The following EYA4 variants were observed in gnomAD, a reference collection of about 807,000 sequenced individuals.
EYA4 encodes protein phosphatase EYA4.
In EYA4, 31 loss-of-function variants were observed where a neutral mutation model predicts 87.9. The observed-to-expected ratio is 0.35, with a 90% CI of 0.27 to 0.48. The LOEUF (loss-of-function observed/expected upper bound fraction) is 0.48. Ranked by LOEUF, EYA4 falls within the 20% of genes least tolerant of loss-of-function variation. The probability of loss-of-function intolerance (pLI) is 0.99; values close to 1 mark genes in which losing one functional copy is unlikely to be tolerated. For synonymous variants in EYA4, 263 were observed against 270.6 expected (o/e 0.97, Z 0.28); for missense variants, 678 against 761.4 (o/e 0.89, Z 1.29).
At position 133,531,281 on chromosome 6, in the gene EYA4, GC is replaced by G. The variant is rs886061095; in HGVS notation, c.*2479del. 3.7e-6 allele frequency: 5 copies of G among 1,351,790 alleles called. No individual in the cohort carries two copies. Among genetic ancestry groups the G allele is most frequent in the South Asian group, 1.2e-5 (1 of 80,126 alleles). 83.7% of individuals were successfully genotyped at this position (1,351,790 alleles called of 1,614,324 possible). On this transcript the variant is annotated 3_prime_UTR_variant, in exon 20 of 20. Transcript: ENST00000355286. ...CTTGTCTGGCACAACAATGGTGCAGGCCCACGAGCCAGCATCACAGCTTGGC... is the reference window on the plus strand; with the variant it reads ...CTTGTCTGGCACAACAATGGTGCAGGCCACGAGCCAGCATCACAGCTTGGC...
At chr6:133,401,505 A>G (rs566555492) in intron 3 of EYA4, among the ~76,000 whole-genome samples, 1 of 152,328 alleles carries the variant, frequency 6.6e-6, no homozygotes, top group African/African-American at 2.4e-5. Context: ...CGTACCCTCA[A>G]AATGTGTCCT....
chr6:133,517,545 AAGTT>A (rs1310169824), intron 17 of EYA4, among the ~76,000 whole-genome samples: 2 of 152,150 alleles, frequency 1.3e-5, no homozygotes, highest in African/African-American at 4.8e-5. Flanking sequence ...AAAAAAAAAA[AAGTT>A]AATATTAAGA....
chr6:133,350,321 A>C (rs1413266790), intron 2 of EYA4, among the ~76,000 whole-genome samples: 1 of 152,122 alleles, frequency 6.6e-6, no homozygotes, highest in Non-Finnish European at 1.5e-5. Flanking sequence ...GTTCAAATTA[A>C]CTCGTGAAAA....
rs527368127 is a variant in EYA4 at position 133,405,471 on chromosome 6, G to A, written c.83+23030G>A. 2.0e-5 allele frequency among the ~76,000 whole-genome samples: 3 copies of A among 152,254 alleles called. No homozygotes were observed. The East Asian group carries it at 5.8e-4, about 29-fold the overall frequency. On this transcript the variant is annotated intron_variant, in intron 3 of 19. Transcript: ENST00000355286. ...TTTATTCTTGCATTGTCGTGATGAT[G>A]TGACTGATTTCCACAGATCTCATAA...
chr6:133,512,668 A>C (rs1799259106), intron 14 of EYA4, 53 bp from the exon 15 acceptor site: 3 of 1,391,228 alleles, frequency 2.2e-6, no homozygotes, highest in Non-Finnish European at 3.1e-6. Flanking sequence ...ACCTTCAAGC[A>C]TGGTAACAAG....
chr6:133,251,382 AG>A (rs1562206814), intron 1 of EYA4, among the ~76,000 whole-genome samples: 1 of 152,202 alleles, frequency 6.6e-6, no homozygotes, highest in African/African-American at 2.4e-5. Context: ...TTACCTTTAG[AG>A]AGACAGTAGG....
chr6:133,382,259 C>T (rs755954653), intron 2 of EYA4, 133 bp from the exon 3 acceptor site: 1 of 756,000 alleles, frequency 1.3e-6, no homozygotes, highest in Non-Finnish European at 2.4e-6. Flanking sequence ...GTACTGTATG[C>T]TGCTGCTGTA....
intron 3 of EYA4, among the ~76,000 whole-genome samples, chr6:133,445,632 G>T (rs561492686): frequency 3.3e-5 from 5 of 149,802 alleles, no homozygotes; most frequent in South Asian, 4.2e-4. Context: ...CGGCTGGAGT[G>T]CAGTGGCGCA....
At chr6:133,426,917 C>T (rs1790722761) in intron 3 of EYA4, among the ~76,000 whole-genome samples, 2 of 152,162 alleles carry the variant, frequency 1.3e-5, no homozygotes, top group African/African-American at 4.8e-5. Flanking sequence ...TAGCAATTTG[C>T]TATTCAAAGC....
intron 3 of EYA4, among the ~76,000 whole-genome samples, chr6:133,430,440 T>C (rs1583256761): frequency 6.6e-6 from 1 of 152,196 alleles, no homozygotes; most frequent in African/African-American, 2.4e-5. Context: ...TAGAACTGTG[T>C]TTTTTACAAA....
intron 3 of EYA4, among the ~76,000 whole-genome samples, chr6:133,438,790 C>T (rs979849361): frequency 1.3e-5 from 2 of 151,962 alleles, no homozygotes; most frequent in African/African-American, 4.8e-5. Flanking sequence ...CGCCTGTAAT[C>T]CCAGCACTTT....
At chr6:133,270,313 T>C (rs1210639701) in intron 1 of EYA4, among the ~76,000 whole-genome samples, 1 of 152,188 alleles carries the variant, frequency 6.6e-6, no homozygotes, top group Non-Finnish European at 1.5e-5. Flanking sequence ...CCTAACATAA[T>C]ACAGCTGTCC....
chr6:133,400,433 G>A (rs1051958377), intron 3 of EYA4, among the ~76,000 whole-genome samples: 2 of 151,608 alleles, frequency 1.3e-5, no homozygotes, highest in African/African-American at 4.8e-5. Context: ...GCTTGAACCC[G>A]GGAGGCGGAG....
At chr6:133,289,880 G>T (rs1394949609) in intron 2 of EYA4, among the ~76,000 whole-genome samples, 1 of 152,200 alleles carries the variant, frequency 6.6e-6, no homozygotes, top group Non-Finnish European at 1.5e-5. Context: ...CTTGGCAAGA[G>T]CTAGGATAGC....
chr6:133,315,820 A>G (rs534047691), intron 2 of EYA4, among the ~76,000 whole-genome samples: 1 of 152,326 alleles, frequency 6.6e-6, no homozygotes, highest in African/African-American at 2.4e-5. Flanking sequence ...TAAGATTTAT[A>G]TTATTGGAAA....
At chr6:133,439,328 A>G (rs943304082) in intron 3 of EYA4, 8 of 152,158 alleles carry the variant, frequency 5.3e-5, no homozygotes, top group Non-Finnish European at 1.0e-4. Context: ...TCACACTCAC[A>G]TGCTTGATTT....
At chr6:133,338,849 C>CTTTT (rs11298929) in intron 2 of EYA4, among the ~76,000 whole-genome samples, 1 of 148,962 alleles carries the variant, frequency 6.7e-6, no homozygotes, top group African/African-American at 2.5e-5. Flanking sequence ...CCAATTGCTT[C>CTTTT]TTTTTTTTTT....
intron 3 of EYA4, among the ~76,000 whole-genome samples, chr6:133,388,927 C>T (rs1477457157): frequency 1.3e-5 from 2 of 152,128 alleles, no homozygotes; most frequent in East Asian, 1.9e-4. Flanking sequence ...TAGCATGCTC[C>T]GCCCACGTCC....
Position 133,456,656 on chromosome 6 carries a change from CT to C in EYA4, c.370+11del. On this transcript the variant is annotated intron_variant, in intron 6 of 19. Coordinates refer to ENST00000355286, the MANE Select transcript of EYA4 (RefSeq NM_004100.5). ...ACACTTTTACTGGGTCAGGTAAAGC[CT>C]TTAGCTCGTGTGTCCTTACGTACAC... 1 of 1,593,930 alleles carries C rather than the reference CT, an allele frequency of 6.3e-7. No homozygotes were observed. Among genetic ancestry groups the C allele is most frequent in the Non-Finnish European group, 8.6e-7 (1 of 1,161,750 alleles).
Sources: allele counts gnomAD v4.1 joint callset (sites outside exome capture counted in the v4.1 genomes callset), GRCh38; gene constraint gnomAD v4.1.1; transcripts MANE v1.5; gene names NCBI Gene and HGNC (gene_info 2026-07-23, HGNC 2026-07-21).